The following ARHGAP42 variants were observed in gnomAD, a reference collection of about 807,000 sequenced individuals.
ARHGAP42 encodes rho GTPase-activating protein 42.
ARHGAP42 carries 63 observed loss-of-function variants against 125.0 expected under a neutral mutation model. That is an observed-to-expected ratio of 0.50 (90% CI 0.41 to 0.62). ARHGAP42 has a LOEUF of 0.62. Among genes scored for constraint, ARHGAP42 ranks in the 20% least tolerant of loss-of-function variants. The pLI is 0.00. For missense variants in ARHGAP42, 766 were observed against 1,024.2 expected (o/e 0.75, Z 3.44); for synonymous variants, 339 against 351.0 (o/e 0.97, Z 0.38).
At chr11:100,833,633 C>T (rs958019421) in intron 3 of ARHGAP42, among the ~76,000 whole-genome samples, 1 of 152,202 alleles carries the variant, frequency 6.6e-6, no homozygotes, top group African/African-American at 2.4e-5. Flanking sequence ...CATGGTCCTT[C>T]AGGGTAGCCA....
chr11:100,888,068 A>T (rs759165289), intron 4 of ARHGAP42, among the ~76,000 whole-genome samples: 4 of 152,188 alleles, frequency 2.6e-5, no homozygotes, highest in Non-Finnish European at 4.4e-5. Context: ...TTCATTATTT[A>T]AAAGGCTGTT....
chr11:100,860,081 A>G (rs1222167439), intron 4 of ARHGAP42, among the ~76,000 whole-genome samples: 2 of 152,138 alleles, frequency 1.3e-5, no homozygotes, highest in East Asian at 1.9e-4. Flanking sequence ...TTGACTATGG[A>G]CCAATTAAAT....
intron 1 of ARHGAP42, among the ~76,000 whole-genome samples, chr11:100,716,236 G>T (rs1799074044): frequency 1.3e-5 from 2 of 152,084 alleles, no homozygotes; most frequent in Admixed American, 6.5e-5. Context: ...GGGTCCTTGG[G>T]GGTGCAGAAT....
chr11:100,792,402 C>A (rs753569140), intron 2 of ARHGAP42, among the ~76,000 whole-genome samples: 3 of 152,126 alleles, frequency 2.0e-5, no homozygotes, highest in Non-Finnish European at 2.9e-5. Flanking sequence ...TCTTGCCAGT[C>A]CCCACTACTT....
intron 17 of ARHGAP42, among the ~76,000 whole-genome samples, chr11:100,969,629 C>T (rs1012350556): frequency 2.0e-5 from 3 of 151,996 alleles, no homozygotes; most frequent in Non-Finnish European, 2.9e-5. Context: ...CTTCAATTTA[C>T]ATTTGGTTCT....
chr11:100,875,073 G>GTC (rs143461552), intron 4 of ARHGAP42, among the ~76,000 whole-genome samples: 1,438 of 110,254 alleles, frequency 0.013, 18 homozygotes, highest in South Asian at 0.02. Flanking sequence ...CTAATCCACT[G>GTC]TCTCTCTCTC....
At chr11:100,845,564 C>A (rs1013214025) in intron 3 of ARHGAP42, among the ~76,000 whole-genome samples, 1 of 151,836 alleles carries the variant, frequency 6.6e-6, no homozygotes, top group Non-Finnish European at 1.5e-5. Flanking sequence ...TGAGAGGAGG[C>A]GGTGATGGTA....
intron 3 of ARHGAP42, among the ~76,000 whole-genome samples, chr11:100,803,270 T>C (rs931948718): frequency 4.6e-5 from 7 of 151,970 alleles, no homozygotes. Context: ...GTAGGCTTGT[T>C]TGGGGAGTAA....
chr11:100,937,740 A>G (rs1027575148), intron 8 of ARHGAP42, among the ~76,000 whole-genome samples: 3 of 152,212 alleles, frequency 2.0e-5, no homozygotes, highest in Admixed American at 2.0e-4. Flanking sequence ...ATTTTATTCT[A>G]AACAGGAAAG....
chr11:100,960,162 T>C (rs1857916655), intron 13 of ARHGAP42, among the ~76,000 whole-genome samples: 2 of 152,146 alleles, frequency 1.3e-5, no homozygotes. Context: ...TTAGATTTTT[T>C]TCTAATACAG....
chr11:100,936,168 A>G (rs1287623719), intron 7 of ARHGAP42, 35 bp from the exon 8 acceptor site: 1 of 1,549,282 alleles, frequency 6.5e-7, no homozygotes, highest in African/African-American at 1.4e-5. Flanking sequence ...TTGGTAGAAA[A>G]TAATGACTGA....
At chr11:100,856,342 C>T (rs1320520112) in intron 3 of ARHGAP42, among the ~76,000 whole-genome samples, 1 of 151,974 alleles carries the variant, frequency 6.6e-6, no homozygotes, top group Non-Finnish European at 1.5e-5. Context: ...ATTTTAACAC[C>T]TTCTTGACTT....
At chr11:100,752,673 C>T (rs1180165899) in intron 1 of ARHGAP42, among the ~76,000 whole-genome samples, 1 of 152,198 alleles carries the variant, frequency 6.6e-6, no homozygotes, top group African/African-American at 2.4e-5. Context: ...AGCCAGCACC[C>T]ATTCTGATGG....
At chr11:100,947,616 C>G (rs1868060280) in intron 10 of ARHGAP42, among the ~76,000 whole-genome samples, 1 of 151,900 alleles carries the variant, frequency 6.6e-6, no homozygotes, top group Non-Finnish European at 1.5e-5. Flanking sequence ...ACTACACTGG[C>G]TTAAATTCTC....
intron 3 of ARHGAP42, among the ~76,000 whole-genome samples, chr11:100,849,019 TAAAC>T (rs1015643256): frequency 2.6e-5 from 4 of 152,296 alleles, no homozygotes; most frequent in African/African-American, 9.6e-5. Context: ...AGAAGAATCT[TAAAC>T]AGCCTCATAG....
chr11:100,881,459 C>T (rs548191630), intron 4 of ARHGAP42, among the ~76,000 whole-genome samples: 4 of 152,248 alleles, frequency 2.6e-5, no homozygotes, highest in East Asian at 1.9e-4. Context: ...ATACCAGTAC[C>T]GTGCTGTTTT....
chr11:100,704,788 C>A (rs1310205131), intron 1 of ARHGAP42, among the ~76,000 whole-genome samples: 2 of 150,614 alleles, frequency 1.3e-5, no homozygotes, highest in African/African-American at 4.9e-5. Flanking sequence ...AGAATCCCCG[C>A]CCCCGCCGCC....
chr11:100,886,270 T>C (rs1456650901), intron 4 of ARHGAP42, among the ~76,000 whole-genome samples: 1 of 152,226 alleles, frequency 6.6e-6, no homozygotes, highest in Admixed American at 6.5e-5. Flanking sequence ...AACAAGCATT[T>C]CATCGATTTG....
chr11:100,928,660 A>G (rs1378751507), intron 6 of ARHGAP42, among the ~76,000 whole-genome samples: 1 of 152,290 alleles, frequency 6.6e-6, no homozygotes, highest in East Asian at 1.9e-4. Flanking sequence ...ATACAATTCA[A>G]TGGAACTTTA....
Sources: gnomAD v4.1 joint callset for allele counts (sites outside exome capture counted in the v4.1 genomes callset) on GRCh38, gnomAD v4.1.1 for gene constraint, MANE v1.5 for transcripts, NCBI Gene and HGNC (gene_info 2026-07-23, HGNC 2026-07-21) for gene names.